Variants in DPP6 observed in about 807,000 individuals in gnomAD.
DPP6 encodes the protein dipeptidyl peptidase like 6, also known as A-type potassium channel modulatory protein DPP6.
In DPP6, 69 loss-of-function variants were observed where a neutral mutation model predicts 122.6. The observed-to-expected ratio is 0.56, with a 90% CI of 0.46 to 0.69. DPP6 has a LOEUF of 0.69. Ranked by LOEUF, DPP6 falls within the 30% of genes least tolerant of loss-of-function variation. DPP6 has a pLI of 0.00. For synonymous variants in DPP6, 418 were observed against 433.1 expected (o/e 0.97, Z 0.43); for missense variants, 928 against 1,116.9 (o/e 0.83, Z 2.41).
the DPP6 span, among the ~76,000 whole-genome samples, chr7:153,780,977 A>T: frequency 0.067 from 4,573 of 68,308 alleles, 213 homozygotes; most frequent in African/African-American, 0.16. Flanking sequence ...TGAATTTTTT[A>T]AAAAAATGGA....
At chr7:154,316,253 C>T (rs752528168) in intron 1 of DPP6, among the ~76,000 whole-genome samples, 8 of 152,310 alleles carry the variant, frequency 5.3e-5, no homozygotes, top group Non-Finnish European at 1.0e-4. Context: ...TACCCAAAAA[C>T]ATTTCTCTGC....
intron 1 of DPP6, among the ~76,000 whole-genome samples, chr7:154,188,810 A>G (rs1798478222): frequency 6.6e-6 from 1 of 152,222 alleles, no homozygotes; most frequent in Non-Finnish European, 1.5e-5. Flanking sequence ...TATTTCGATA[A>G]AAGAACAAAA....
upstream of DPP6, among the ~76,000 whole-genome samples, chr7:153,886,832 G>A (rs1181631413): frequency 6.6e-6 from 1 of 152,162 alleles, no homozygotes; most frequent in Admixed American, 6.5e-5. Context: ...GCACAGCCGC[G>A]TCTGGCTCTT....
the DPP6 span, among the ~76,000 whole-genome samples, chr7:153,871,288 G>A: frequency 3.9e-5 from 6 of 152,348 alleles, no homozygotes; most frequent in Non-Finnish European, 5.9e-5. Flanking sequence ...TTGAGCTGTG[G>A]TGGGCTCCAC....
intron 1 of DPP6, among the ~76,000 whole-genome samples, chr7:154,098,891 T>C (rs1403074830): frequency 6.6e-6 from 1 of 152,216 alleles, no homozygotes; most frequent in African/African-American, 2.4e-5. Context: ...AAAACAAGTA[T>C]CTAAACTCAT....
chr7:154,324,674 C>A (rs1808270765), intron 1 of DPP6, among the ~76,000 whole-genome samples: 1 of 152,058 alleles, frequency 6.6e-6, no homozygotes, highest in African/African-American at 2.4e-5. Context: ...GGCAGGAAAT[C>A]ACGTCTTGTT....
chr7:154,012,080 T>C (rs1437562300), intron 1 of DPP6, among the ~76,000 whole-genome samples: 1 of 152,200 alleles, frequency 6.6e-6, no homozygotes, highest in Non-Finnish European at 1.5e-5. Context: ...TCACAAATGG[T>C]ACAACTGAGG....
chr7:154,653,534 TGATA>T (rs1411107120), intron 6 of DPP6, among the ~76,000 whole-genome samples: 55 of 151,816 alleles, frequency 3.6e-4, no homozygotes, highest in African/African-American at 1.2e-3. Context: ...GATAGATAAA[TGATA>T]GATAGATATA....
At chr7:154,016,308 G>GT (rs1376641263) in intron 1 of DPP6, among the ~76,000 whole-genome samples, 2 of 150,468 alleles carry the variant, frequency 1.3e-5, no homozygotes, top group African/African-American at 4.9e-5. Flanking sequence ...ATTGTCTATT[G>GT]TTTTTTGCTA....
chr7:153,953,331 T>A (rs1295648452), intron 1 of DPP6, among the ~76,000 whole-genome samples: 1 of 152,144 alleles, frequency 6.6e-6, no homozygotes, highest in Non-Finnish European at 1.5e-5. Flanking sequence ...GTTGGGTAAT[T>A]TGCCTAAGAT....
chr7:154,321,784 CAAAAAAA>C (rs1180440495), intron 1 of DPP6, among the ~76,000 whole-genome samples: 1 of 63,062 alleles, frequency 1.6e-5, no homozygotes, highest in Admixed American at 1.8e-4. Context: ...GACTCTGTCT[CAAAAAAA>C]AAAAAAAAAA....
intron 1 of DPP6, among the ~76,000 whole-genome samples, chr7:153,891,827 G>C (rs1408188782): frequency 1.3e-5 from 2 of 152,194 alleles, no homozygotes; most frequent in African/African-American, 2.4e-5. Context: ...AGTATGTGGT[G>C]GGTAAGTGAG....
intron 1 of DPP6, among the ~76,000 whole-genome samples, chr7:154,141,221 C>A (rs532578221): frequency 3.3e-5 from 5 of 152,322 alleles, no homozygotes; most frequent in East Asian, 3.9e-4. Context: ...TCTCTTCTTA[C>A]CATATTGAAG....
the DPP6 span, among the ~76,000 whole-genome samples, chr7:153,761,086 CT>C: frequency 6.6e-6 from 1 of 152,180 alleles, no homozygotes; most frequent in Non-Finnish European, 1.5e-5. Flanking sequence ...ATAAATGGGA[CT>C]CTCCTCATTT....
At chr7:154,166,826 G>T (rs1312940649) in intron 1 of DPP6, among the ~76,000 whole-genome samples, 3 of 148,914 alleles carry the variant, frequency 2.0e-5, no homozygotes, top group Middle Eastern at 3.2e-3. Flanking sequence ...CAGAAGAATT[G>T]TTTGAACCCA....
chr7:153,798,538 A>C, the DPP6 span, among the ~76,000 whole-genome samples: 1 of 152,030 alleles, frequency 6.6e-6, no homozygotes, highest in East Asian at 1.9e-4. Context: ...GATGTGGAGG[A>C]CCCCTAAGTA....
At chr7:153,826,912 TG>T in the DPP6 span, among the ~76,000 whole-genome samples, 1 of 152,146 alleles carries the variant, frequency 6.6e-6, no homozygotes, top group Admixed American at 6.5e-5. Context: ...GGCATATAGA[TG>T]GGTGTAAAAG....
chr7:154,259,928 C>T (rs890834077), intron 1 of DPP6, among the ~76,000 whole-genome samples: 2 of 152,140 alleles, frequency 1.3e-5, no homozygotes, highest in Non-Finnish European at 2.9e-5. Context: ...ACCCAGTGAG[C>T]TCAAAAAGCA....
intron 1 of DPP6, among the ~76,000 whole-genome samples, chr7:154,242,830 T>C (rs758190348): frequency 2.0e-5 from 3 of 152,198 alleles, no homozygotes; most frequent in Non-Finnish European, 2.9e-5. Context: ...GCCCACACCA[T>C]GGCAGGCAGT....
Sources: allele counts gnomAD v4.1 joint callset (sites outside exome capture counted in the v4.1 genomes callset), GRCh38; gene constraint gnomAD v4.1.1; transcripts MANE v1.5; gene names NCBI Gene and HGNC (gene_info 2026-07-23, HGNC 2026-07-21).